The following HBS1L variants were observed in gnomAD, a reference collection of about 807,000 sequenced individuals.
HBS1L encodes the protein HBS1-like protein.
Under a neutral mutation model 88.9 loss-of-function variants are expected in HBS1L, and 55 were observed. That is an observed-to-expected ratio of 0.62 (90% CI 0.50 to 0.77). The LOEUF is 0.77. HBS1L is among the 30% of genes least tolerant of loss of function. The pLI, the probability that HBS1L is intolerant of heterozygous loss-of-function variation, is 0.00. For missense variants in HBS1L, 741 were observed against 829.3 expected (o/e 0.89, Z 1.31); for synonymous variants, 267 against 288.5 (o/e 0.93, Z 0.76).
intron 7 of HBS1L, among the ~76,000 whole-genome samples, chr6:134,995,553 C>T (rs895415930): frequency 6.6e-6 from 1 of 151,772 alleles, no homozygotes; most frequent in Non-Finnish European, 1.5e-5. Flanking sequence ...AGTTCACTTG[C>T]CAGCTCAACT....
In HBS1L at chr6:134,997,081, T is replaced by A. The variant is rs965961809; in HGVS notation, c.800-139A>T. 6 of 711,456 alleles carry A rather than the reference T, an allele frequency of 8.4e-6. No individual in the cohort carries two copies. The African/African-American group carries it at 8.9e-5, about 11-fold the overall frequency. The allele number at this position is 711,456 out of a possible 1,614,324, so 44.1% of individuals were successfully genotyped here. A position where few individuals can be genotyped will look rare whatever the true frequency, so the allele number is the denominator to read the frequency against. ...TATTTATCAAATGACAGTTAAAACA[T>A]CTAATAGAAAAAAAAAAGAGCATAT... On this transcript the variant is annotated intron_variant, in intron 6 of 17. Coordinates refer to ENST00000367837, the MANE Select transcript of HBS1L (RefSeq NM_006620.4).
intron 10 of HBS1L, 44 bp from the exon 11 acceptor site, chr6:134,986,227 A>T: frequency 4.1e-6 from 4 of 965,188 alleles, no homozygotes; most frequent in Non-Finnish European, 6.6e-6. Context: ...AACATTTTTT[A>T]AAACATTAAA....
chr6:135,036,902 CTT>C, intron 4 of HBS1L: 1 of 1,551,578 alleles, frequency 6.4e-7, no homozygotes, highest in South Asian at 1.2e-5. Flanking sequence ...GAACTTAGAA[CTT>C]TAGTTCGTGA....
chr6:135,006,657 T>C (rs1775621986), intron 4 of HBS1L, among the ~76,000 whole-genome samples: 1 of 152,040 alleles, frequency 6.6e-6, no homozygotes, highest in South Asian at 2.1e-4. Flanking sequence ...GGAAAAACAC[T>C]AGGAAAATAG....
chr6:134,965,972 A>G (rs911185874), intron 17 of HBS1L, among the ~76,000 whole-genome samples: 1 of 152,210 alleles, frequency 6.6e-6, no homozygotes, highest in African/African-American at 2.4e-5. Flanking sequence ...TTTAAAATAC[A>G]ATATTCATAA....
intron 8 of HBS1L, among the ~76,000 whole-genome samples, chr6:134,989,005 G>C (rs992844185): frequency 2.6e-5 from 4 of 152,096 alleles, no homozygotes; most frequent in African/African-American, 7.2e-5. Context: ...CAGATAGAAA[G>C]ACATTCCTTT....
At chr6:135,000,535 C>T (rs1042799073) in intron 5 of HBS1L, among the ~76,000 whole-genome samples, 3 of 151,958 alleles carry the variant, frequency 2.0e-5, no homozygotes, top group Non-Finnish European at 4.4e-5. Flanking sequence ...ATGCAATGTT[C>T]CATTTCTACT....
At chr6:135,026,779 A>G (rs1776237755) in intron 4 of HBS1L, 1 of 152,132 alleles carries the variant, frequency 6.6e-6, no homozygotes, top group African/African-American at 2.4e-5. Context: ...ATGTATCTTT[A>G]TATATCAAAT....
At chr6:135,014,851 C>CA (rs57153800) in intron 4 of HBS1L, among the ~76,000 whole-genome samples, 2,819 of 85,042 alleles carry the variant, frequency 0.033, 41 homozygotes, top group African/African-American at 0.044. Flanking sequence ...ACTGTCTCTA[C>CA]AAAAAAAAAA....
chr6:135,045,709 C>T (rs1776892192), intron 2 of HBS1L, among the ~76,000 whole-genome samples: 1 of 152,140 alleles, frequency 6.6e-6, no homozygotes, highest in African/African-American at 2.4e-5. Context: ...GTGGCGGGCG[C>T]CTGCAATCCC....
At chr6:135,041,179 G>A (rs1776725288) in intron 3 of HBS1L, among the ~76,000 whole-genome samples, 1 of 150,796 alleles carries the variant, frequency 6.6e-6, no homozygotes, top group African/African-American at 2.4e-5. Context: ...TTCTTTCATT[G>A]GCCCATTAAT....
intron 4 of HBS1L, among the ~76,000 whole-genome samples, chr6:135,012,122 T>C (rs1359518299): frequency 2.0e-5 from 3 of 152,106 alleles, no homozygotes; most frequent in African/African-American, 7.2e-5. Context: ...ATGAATGATA[T>C]TGTTCACTGT....
intron 2 of HBS1L, among the ~76,000 whole-genome samples, chr6:135,047,943 A>G (rs1482863723): frequency 6.6e-6 from 1 of 152,216 alleles, no homozygotes; most frequent in African/African-American, 2.4e-5. Flanking sequence ...AAATTGTTTT[A>G]TTCCTAAGTC....
intron 8 of HBS1L, among the ~76,000 whole-genome samples, chr6:134,988,087 GGCACAGTGGCTCACGCCTATAATCCCA>G (rs1471996534): frequency 2.0e-5 from 3 of 152,150 alleles, no homozygotes; most frequent in African/African-American, 7.2e-5. Context: ...ACAGCAACCA[GGCACAGTGGCTCACGCCTATAATCCCA>G]GCACTTTGGG....
At chr6:134,991,602 A>G (rs777337619) in intron 8 of HBS1L, among the ~76,000 whole-genome samples, 2 of 152,216 alleles carry the variant, frequency 1.3e-5, no homozygotes, top group Non-Finnish European at 2.9e-5. Context: ...GTACTCAATT[A>G]ATAGGGATAA....
chr6:135,023,893 C>T (rs1221885862), intron 4 of HBS1L, among the ~76,000 whole-genome samples: 1 of 152,044 alleles, frequency 6.6e-6, no homozygotes, highest in Admixed American at 6.5e-5. Context: ...AAAAAATGTC[C>T]AATTTAAATT....
At chr6:134,974,679 G>A (rs1774591856) in intron 15 of HBS1L, among the ~76,000 whole-genome samples, 1 of 148,882 alleles carries the variant, frequency 6.7e-6, no homozygotes, top group Admixed American at 6.7e-5. Context: ...CATCTCAATA[G>A]ATGCGGAAAA....
chr6:135,027,492 C>G (rs1583133358), intron 4 of HBS1L, among the ~76,000 whole-genome samples: 1 of 152,032 alleles, frequency 6.6e-6, no homozygotes, highest in African/African-American at 2.4e-5. Context: ...CAGAAAATAA[C>G]AGTAATTCTA....
chr6:134,997,700 T>C lies in HBS1L; in HGVS notation c.540-44A>G, dbSNP rs112559682. 8.7e-4 allele frequency: 1,363 copies of C among 1,567,482 alleles called. 7 individuals are homozygous for C. In the African/African-American group the frequency reaches 0.012, roughly 14 times the overall value. ...AAAAAAGTATTTGAAACCAACTCTA[T>C]TGATGTCCTACAATGACAGAAGGGC... On this transcript the variant is annotated intron_variant, in intron 5 of 17. Coordinates refer to ENST00000367837, the MANE Select transcript of HBS1L (RefSeq NM_006620.4).
Sources: allele counts gnomAD v4.1 joint callset (sites outside exome capture counted in the v4.1 genomes callset), GRCh38; gene constraint gnomAD v4.1.1; transcripts MANE v1.5; gene names NCBI Gene and HGNC (gene_info 2026-07-23, HGNC 2026-07-21).